The following CCNB3 variants were observed in gnomAD, a reference collection of about 807,000 sequenced individuals.
The protein encoded by CCNB3 is G2/mitotic-specific cyclin-B3.
In CCNB3, 12 loss-of-function variants were observed where a neutral mutation model predicts 68.0. The observed-to-expected ratio is 0.18, with a 90% CI of 0.11 to 0.29. CCNB3 has a LOEUF of 0.29. CCNB3 is among the 10% of genes least tolerant of loss of function. The pLI, the probability that CCNB3 is intolerant of heterozygous loss-of-function variation, is 1.00. For synonymous variants in CCNB3, 354 were observed against 388.9 expected (o/e 0.91, Z 1.06); for missense variants, 904 against 993.1 (o/e 0.91, Z 1.21).
At chrX:50,298,921 G>A (rs1200956999) in intron 5 of CCNB3, among the ~76,000 whole-genome samples, 1 of 112,212 alleles carries the variant, frequency 8.9e-6, no homozygotes. Flanking sequence ...TATTTGTGTA[G>A]AGGTGTTTAT....
rs1269513208 is a variant in CCNB3 at position 50,310,838 on chromosome X, C to A, written c.2669C>A (p.Thr890Asn). 1.7e-6 allele frequency: 2 copies of A among 1,210,383 alleles called. No individual in the cohort carries two copies. Among genetic ancestry groups the A allele is most frequent in the Admixed American group, 4.4e-5 (2 of 45,798 alleles). The change falls in exon 6 of 13, where the codon ACC becomes AAC. Residue 890 changes from threonine to asparagine, a missense_variant. Thr to Asn is a moderately conservative substitution (Grantham distance 65). Around this residue, in one of 2 missense-constraint regions of CCNB3, gnomAD observed 285 missense variants for 383.4 expected, o/e 0.74. Transcript: ENST00000376042. ...LWEKPSTEKE[T>N]IFKESLDLQE... Reference sequence around the variant, plus strand: ...GAGAAGCCCAGCACTGAGAAGGAGACCATCTTCAAGGAGTCTTTGGACTTG... The same window carrying A: ...GAGAAGCCCAGCACTGAGAAGGAGAACATCTTCAAGGAGTCTTTGGACTTG...
At chrX:50,227,513 A>T (rs893156297) in intron 1 of CCNB3, among the ~76,000 whole-genome samples, 17 of 76,722 alleles carry the variant, frequency 2.2e-4, no homozygotes, top group Non-Finnish European at 1.2e-4. Context: ...ATATATGTAT[A>T]AATATATATG....
chrX:50,286,824 A>G (rs1460116817), intron 3 of CCNB3, among the ~76,000 whole-genome samples: 1 of 110,405 alleles, frequency 9.1e-6, no homozygotes, highest in African/African-American at 3.3e-5. Flanking sequence ...TAATTTTTGT[A>G]TTTTTGATAG....
At chrX:50,348,008 C>T (rs1394115540) in intron 11 of CCNB3, among the ~76,000 whole-genome samples, 2 of 111,406 alleles carry the variant, frequency 1.8e-5, no homozygotes, top group Non-Finnish European at 3.8e-5. Context: ...GAAAGCTCAC[C>T]TGAAAGCCCA....
chrX:50,299,426 C>A (rs1708977402), intron 5 of CCNB3, among the ~76,000 whole-genome samples: 1 of 111,298 alleles, frequency 9.0e-6, no homozygotes, highest in Non-Finnish European at 1.9e-5. Context: ...GTTCAGTTTC[C>A]ATGTAGTTGA....
At chrX:50,314,734 A>C (rs781946420) in intron 8 of CCNB3, among the ~76,000 whole-genome samples, 1 of 111,850 alleles carries the variant, frequency 8.9e-6, no homozygotes, top group Non-Finnish European at 1.9e-5. Context: ...GGTAGAGAAC[A>C]GTAAATCAGG....
At chrX:50,227,788 AATAT>A (rs1179770200) in intron 1 of CCNB3, among the ~76,000 whole-genome samples, 1 of 66,258 alleles carries the variant, frequency 1.5e-5, no homozygotes, top group African/African-American at 6.5e-5. Context: ...AATATATATA[AATAT>A]ATATAGAGAA....
At chrX:50,348,247 T>C (rs781890551) in intron 11 of CCNB3, among the ~76,000 whole-genome samples, 3 of 111,950 alleles carry the variant, frequency 2.7e-5, no homozygotes, top group Non-Finnish European at 5.6e-5. Flanking sequence ...ATGACTATAG[T>C]GTTCTTCTCT....
chrX:50,313,412 C>T (rs1921568625), intron 7 of CCNB3, among the ~76,000 whole-genome samples: 1 of 112,018 alleles, frequency 8.9e-6, no homozygotes, highest in African/African-American at 3.2e-5. Context: ...GTATCAGTTT[C>T]ACTTGAGATT....
At position 50,311,433 on chromosome X, in the gene CCNB3, C is replaced by T. The variant is rs1557215006; in HGVS notation, c.3264C>T (p.Ser1088=). Reference sequence around the variant, plus strand: ...GCAAGTCCAGGACCACCACCGAGTCCAGTGCATGTGAATCTGCTTCTGATA... The same window carrying T: ...GCAAGTCCAGGACCACCACCGAGTCTAGTGCATGTGAATCTGCTTCTGATA... ...SVGKSRTTTE[S]SACESASDKP... Residue 1088 remains serine (S), a synonymous_variant, in exon 6 of 13, where the codon TCC becomes TCT. Transcript: ENST00000376042. 8.3e-7 allele frequency: 1 copy of T among 1,210,960 alleles called. No individual in the cohort carries two copies. The highest frequency in any genetic ancestry group is 2.3e-4 in the Middle Eastern group (1 of 4,350).
chrX:50,335,055 T>G (rs1922782173), intron 8 of CCNB3, among the ~76,000 whole-genome samples: 1 of 112,002 alleles, frequency 8.9e-6, no homozygotes, highest in South Asian at 3.8e-4. Context: ...CATCCGTCCC[T>G]TTTGTGCACC....
chrX:50,226,033 T>C (rs1045847147), intron 1 of CCNB3, among the ~76,000 whole-genome samples: 3 of 90,325 alleles, frequency 3.3e-5, no homozygotes, highest in Non-Finnish European at 6.4e-5. Flanking sequence ...AATATATATA[T>C]AGAATATATA....
intron 1 of CCNB3, among the ~76,000 whole-genome samples, chrX:50,215,332 A>G (rs940013390): frequency 9.0e-6 from 1 of 111,056 alleles, no homozygotes; most frequent in African/African-American, 3.3e-5. Flanking sequence ...GTTTGATCCC[A>G]TTGTGGTCAG....
At chrX:50,228,646 A>T (rs1304857597) in intron 1 of CCNB3, among the ~76,000 whole-genome samples, 1 of 82,779 alleles carries the variant, frequency 1.2e-5, no homozygotes, top group Admixed American at 1.7e-4. Context: ...TATAGAATAT[A>T]TATAGAATAT....
chrX:50,310,221 C>T lies in CCNB3; in HGVS notation c.2052C>T (p.Asn684=), dbSNP rs782673169. The T allele has an allele frequency of 8.3e-7, 1 of 1,209,398 alleles. No homozygotes were observed. Among genetic ancestry groups the T allele is most frequent in the Non-Finnish European group, 1.1e-6 (1 of 894,167 alleles). ...ELFSLHVKHT[N]KSGSLFQEAL... ...TTTCATTGCATGTTAAGCATACCAA[C>T]AAAAGTGGGTCCCTCTTCCAGGAGG... Residue 684 remains asparagine (N), a synonymous_variant, in exon 6 of 13, where the codon AAC becomes AAT. Coordinates refer to ENST00000376042, the MANE Select transcript of CCNB3 (RefSeq NM_033031.3).
chrX:50,323,093 C>A (rs1922111313), intron 8 of CCNB3, among the ~76,000 whole-genome samples: 1 of 111,998 alleles, frequency 8.9e-6, no homozygotes, highest in African/African-American at 3.2e-5. Context: ...GATTAGAAAT[C>A]ATGCTGCTAT....
rs782530814 is a variant in CCNB3, at chrX:50,308,674, G to A, written c.505G>A (p.Glu169Lys). The change falls in exon 6 of 13, where the codon GAA (glutamate) becomes AAA (lysine). Residue 169 changes from glutamate to lysine, a missense_variant. Glu to Lys is a moderately conservative substitution (Grantham distance 56). Transcript: ENST00000376042. ...VLKEEPTIED[E>K]TLINKSLSLK... ...AAAGGAGGAACCCACTATTGAGGAT[G>A]AAACCCTTATCAATAAGTCATTATC... 4 of 1,211,273 alleles carry A rather than the reference G, an allele frequency of 3.3e-6. No homozygotes were observed. The South Asian group carries it at 7.0e-5, about 21-fold the overall frequency.
chrX:50,283,289 G>A (rs1407905747), intron 1 of CCNB3, among the ~76,000 whole-genome samples: 2 of 110,864 alleles, frequency 1.8e-5, no homozygotes, highest in African/African-American at 3.3e-5. Flanking sequence ...ATTTTTGAGT[G>A]TGATCGAAGA....
chrX:50,306,965 A>G (rs1214711066), intron 5 of CCNB3, among the ~76,000 whole-genome samples: 3 of 111,562 alleles, frequency 2.7e-5, no homozygotes, highest in Non-Finnish European at 5.6e-5. Context: ...TCAGAGTAAT[A>G]CTGACCTCAT....
Sources: gnomAD v4.1 joint callset for allele counts (sites outside exome capture counted in the v4.1 genomes callset) on GRCh38, gnomAD v4.1.1 for gene constraint, gnomAD v4.1.1 regional missense constraint, MANE v1.5 for transcripts, NCBI Gene and HGNC (gene_info 2026-07-23, HGNC 2026-07-21) for gene names.